Variants in CREB5 observed in about 807,000 individuals in gnomAD.
The protein encoded by CREB5 is cyclic AMP-responsive element-binding protein 5.
In CREB5, 19 loss-of-function variants were observed where a neutral mutation model predicts 57.1. That is an observed-to-expected ratio of 0.33 (90% CI 0.23 to 0.49). The LOEUF is 0.49. Among genes scored for constraint, CREB5 ranks in the 20% least tolerant of loss-of-function variants. CREB5 has a pLI of 0.99. For missense variants in CREB5, 579 were observed against 671.6 expected (o/e 0.86, Z 1.52); for synonymous variants, 238 against 238.3 (o/e 1.00, Z 0.01).
chr7:28,320,881 C>G (rs955204977), intron 1 of CREB5, among the ~76,000 whole-genome samples: 1 of 152,044 alleles, frequency 6.6e-6, no homozygotes, highest in Non-Finnish European at 1.5e-5. Context: ...ATGTAAAAAC[C>G]AAGGTGCAGG....
chr7:28,749,944 G>A (rs1244641173), intron 7 of CREB5, among the ~76,000 whole-genome samples: 4 of 151,034 alleles, frequency 2.6e-5, no homozygotes, highest in East Asian at 1.9e-4. Flanking sequence ...TTTTTTTAAC[G>A]TGCATTATAT....
intron 4 of CREB5, among the ~76,000 whole-genome samples, chr7:28,555,261 G>T (rs1485183186): frequency 6.6e-6 from 1 of 152,188 alleles, no homozygotes; most frequent in Non-Finnish European, 1.5e-5. Flanking sequence ...CTCTTCCTGT[G>T]CCAGCAGATG....
chr7:28,571,173 A>T (rs571654157), intron 5 of CREB5, among the ~76,000 whole-genome samples: 1 of 152,318 alleles, frequency 6.6e-6, no homozygotes, highest in South Asian at 2.1e-4. Flanking sequence ...AGCTTGGGAC[A>T]GCATGAAGTT....
intron 5 of CREB5, among the ~76,000 whole-genome samples, chr7:28,599,606 A>G (rs1004963794): frequency 6.6e-6 from 1 of 152,180 alleles, no homozygotes; most frequent in Non-Finnish European, 1.5e-5. Flanking sequence ...ATGCGCCCCT[A>G]TGTGTATAAT....
intron 4 of CREB5, among the ~76,000 whole-genome samples, chr7:28,567,734 A>G (rs1179664269): frequency 6.6e-6 from 1 of 152,210 alleles, no homozygotes; most frequent in African/African-American, 2.4e-5. Context: ...GCAGCATACA[A>G]GGCCCGATGC....
At chr7:28,563,298 G>A (rs778003175) in intron 4 of CREB5, among the ~76,000 whole-genome samples, 1 of 152,070 alleles carries the variant, frequency 6.6e-6, no homozygotes, top group African/African-American at 2.4e-5. Context: ...TGGGACATCC[G>A]TCATCTCACA....
chr7:28,773,214 C>G (rs1300676679), intron 7 of CREB5, among the ~76,000 whole-genome samples: 1 of 151,966 alleles, frequency 6.6e-6, no homozygotes, highest in Non-Finnish European at 1.5e-5. Context: ...CTATGTGGAA[C>G]TCTACCTACC....
intron 8 of CREB5, among the ~76,000 whole-genome samples, chr7:28,807,971 T>A (rs1297017247): frequency 2.6e-5 from 4 of 152,212 alleles, no homozygotes; most frequent in African/African-American, 9.7e-5. Context: ...AAGCCTTAGA[T>A]GTTGCTGAGT....
intron 5 of CREB5, among the ~76,000 whole-genome samples, chr7:28,685,229 C>T (rs904330251): frequency 2.0e-5 from 3 of 152,134 alleles, no homozygotes; most frequent in Non-Finnish European, 4.4e-5. Flanking sequence ...GAAGGTTCAC[C>T]TGAGGGTGGA....
intron 4 of CREB5, among the ~76,000 whole-genome samples, chr7:28,540,768 G>A (rs1302117073): frequency 6.6e-6 from 1 of 152,214 alleles, no homozygotes; most frequent in Non-Finnish European, 1.5e-5. Context: ...AAAGTAAGGT[G>A]TGATTGTAAG....
intron 5 of CREB5, among the ~76,000 whole-genome samples, chr7:28,700,649 G>A (rs1252576905): frequency 6.6e-6 from 1 of 152,190 alleles, no homozygotes; most frequent in Non-Finnish European, 1.5e-5. Flanking sequence ...CCTAGGAAAA[G>A]TGAGGAGTAA....
chr7:28,428,140 C>G (rs1788579302), intron 1 of CREB5, among the ~76,000 whole-genome samples: 1 of 152,056 alleles, frequency 6.6e-6, no homozygotes, highest in Middle Eastern at 3.2e-3. Flanking sequence ...AAGGAGCTTT[C>G]TAGGTAAGGG....
At chr7:28,597,786 G>A (rs1234471689) in intron 5 of CREB5, among the ~76,000 whole-genome samples, 1 of 152,178 alleles carries the variant, frequency 6.6e-6, no homozygotes, top group Non-Finnish European at 1.5e-5. Context: ...CCCTCTCGAA[G>A]TGGGGACCAG....
At chr7:28,725,943 A>G (rs1803312584) in intron 7 of CREB5, among the ~76,000 whole-genome samples, 1 of 152,154 alleles carries the variant, frequency 6.6e-6, no homozygotes, top group Non-Finnish European at 1.5e-5. Flanking sequence ...GCTTGACTCA[A>G]AAGTGTCCTT....
chr7:28,803,767 A>T (rs1196574313), intron 7 of CREB5, among the ~76,000 whole-genome samples: 195 of 151,928 alleles, frequency 1.3e-3, no homozygotes, highest in African/African-American at 4.5e-3. Context: ...AAAAAAAAAA[A>T]AAAAAAAAAA....
At chr7:28,349,135 C>T (rs1786137702) in intron 1 of CREB5, among the ~76,000 whole-genome samples, 1 of 152,108 alleles carries the variant, frequency 6.6e-6, no homozygotes, top group African/African-American at 2.4e-5. Flanking sequence ...CAGTCCACCG[C>T]ACATCAGTGA....
At chr7:28,560,879 C>CGTGCGCGCGTGCGTGTGCGTGCGT (rs1795132672) in intron 4 of CREB5, among the ~76,000 whole-genome samples, 1 of 22,060 alleles carries the variant, frequency 4.5e-5, no homozygotes, top group Non-Finnish European at 1.0e-4. Context: ...CGTGCGCGTG[C>CGTGCGCGCGTGCGTGTGCGTGCGT]GTGCGTGCGT....
chr7:28,474,481 G>A (rs1195269053), intron 1 of CREB5, among the ~76,000 whole-genome samples: 3 of 152,166 alleles, frequency 2.0e-5, no homozygotes, highest in Non-Finnish European at 4.4e-5. Context: ...CCTATGACTG[G>A]CTGATTGGTG....
intron 7 of CREB5, among the ~76,000 whole-genome samples, chr7:28,796,052 C>T (rs912510705): frequency 3.3e-5 from 5 of 152,074 alleles, no homozygotes; most frequent in African/African-American, 1.2e-4. Context: ...TGCACTCAGC[C>T]CAAATTAACC....
Sources: allele counts gnomAD v4.1 joint callset (sites outside exome capture counted in the v4.1 genomes callset), GRCh38; gene constraint gnomAD v4.1.1; transcripts MANE v1.5; gene names NCBI Gene and HGNC (gene_info 2026-07-23, HGNC 2026-07-21).